The following PACSIN3 variants were observed in gnomAD, a reference collection of about 807,000 sequenced individuals.
PACSIN3 encodes protein kinase C and casein kinase substrate in neurons 3.
A neutral mutation model predicts 56.1 loss-of-function variants in PACSIN3; 34 were observed. The observed-to-expected ratio is 0.61, with a 90% confidence interval of 0.46 to 0.81. The LOEUF (loss-of-function observed/expected upper bound fraction) is 0.81. Among genes scored for constraint, PACSIN3 ranks in the 30% least tolerant of loss-of-function variants. The pLI is 0.00. For synonymous variants in PACSIN3, 218 were observed against 229.8 expected (o/e 0.95, Z 0.46); for missense variants, 535 against 592.4 (o/e 0.90, Z 1.01).
intron 2 of PACSIN3, 47 bp downstream of exon 2, chr11:47,182,957 C>G: frequency 2.1e-6 from 1 of 484,196 alleles, no homozygotes; most frequent in Non-Finnish European, 3.6e-6. Context: ...AGTCTCAAAG[C>G]TCTTCCTCTC....
chr11:47,178,035 G>C lies in PACSIN3; in HGVS notation c.1171C>G (p.Leu391Val), dbSNP rs1403115142. ...ELSFRAGEEL[L>V]KMSEEDEQGW... ...TGCTCGTCCTCCTCACTCATCTTCA[G>C]CAGCTCCTCCCCTGGGGGAAAGGGG... The change falls in exon 11 of 11, where the codon CTG becomes GTG. Residue 391 changes from leucine to valine, a missense_variant. By Grantham distance (32) the Leu-to-Val change is conservative. Transcript: ENST00000298838. This position sits in a 1 kb window ranked among gnomAD's most constrained non-coding sequence, Gnocchi z 4.2. 1 of 1,613,678 alleles carries C rather than the reference G, an allele frequency of 6.2e-7. No homozygotes were observed. Among genetic ancestry groups the C allele is most frequent in the Admixed American group, 1.7e-5 (1 of 60,002 alleles).
rs1389307452 is a variant in PACSIN3 at position 47,178,481 on chromosome 11, C to T, written c.1044G>A (p.Gly348=). 1.9e-6 allele frequency: 3 copies of T among 1,613,588 alleles called. No homozygotes were observed. In the African/African-American group the frequency reaches 4.0e-5, roughly 22 times the overall value. The change falls in exon 10 of 11, where the codon GGG becomes GGA. Residue 348 remains glycine, a synonymous_variant. Coordinates refer to ENST00000298838, the MANE Select transcript of PACSIN3 (RefSeq NM_016223.5). This position sits in a 1 kb window ranked among gnomAD's most constrained non-coding sequence, Gnocchi z 4.2. The part of the protein sequence containing the change: ...PPQSPGSPGT[G]QDEEWSDEES... ...CTTCATCTGACCACTCCTCATCCTG[C>T]CCCGTGCTGGAGAGGGGAGGCAAAG...
chr11:47,179,426 A>G lies in PACSIN3; in HGVS notation c.764T>C (p.Leu255Pro), dbSNP rs761275779. Reference sequence around the variant, plus strand: ...CAGTTCATACTTCTCACTGCTGGAAAGGTCCAGGTGCTGGTGTAAGGTGAG... The same window carrying G: ...CAGTTCATACTTCTCACTGCTGGAAGGGTCCAGGTGCTGGTGTAAGGTGAG... ...MLLTLHQHLD[L>P]SSSEKFHELH... Residue 255 changes from leucine (L) to proline (P), a missense_variant, in exon 7 of 11, where the codon CTT (leucine) becomes CCT (proline). Transcript: ENST00000298838. The surrounding 1 kb of genome is among the most constrained non-coding windows in gnomAD (Gnocchi z 4.4). 2 of 1,614,056 alleles carry G rather than the reference A, an allele frequency of 1.2e-6. No homozygotes were observed. The highest frequency in any genetic ancestry group is 1.7e-6 in the Non-Finnish European group (2 of 1,180,006).
In PACSIN3 at chr11:47,178,940, T is replaced by A; in HGVS notation, c.991A>T (p.Thr331Ser). The stretch of plus-strand genomic sequence containing the variant: ...GGTGGGGGTGCGGTGCCATCTCTTG[T>A]AGGCACAATGCTGGTCAGGGTAACC... ...DEVTLTSIVP[T>S]RDGTAPPPQS... Residue 331 changes from threonine (T) to serine (S), a missense_variant, in exon 9 of 11, where the codon ACA becomes TCA. Transcript: ENST00000298838. This position sits in a 1 kb window ranked among gnomAD's most constrained non-coding sequence, Gnocchi z 4.2. 1 of 1,614,018 alleles carries A rather than the reference T, an allele frequency of 6.2e-7. No individual in the cohort carries two copies. The highest frequency in any genetic ancestry group is 8.5e-7 in the Non-Finnish European group (1 of 1,179,976).
In PACSIN3 at chr11:47,178,883, C is replaced by T. The variant is rs1413462304; in HGVS notation, c.1037+11G>A. 1 of 1,613,676 alleles carries T rather than the reference C, an allele frequency of 6.2e-7. No individual in the cohort carries two copies. The highest frequency in any genetic ancestry group is 1.7e-5 in the Admixed American group (1 of 60,010). On this transcript the variant is annotated intron_variant, in intron 9 of 10. Coordinates refer to ENST00000298838, the MANE Select transcript of PACSIN3 (RefSeq NM_016223.5). This position sits in a 1 kb window ranked among gnomAD's most constrained non-coding sequence, Gnocchi z 4.2. ...CTGTTTCTTTGCCACAGCCGCGCTC[C>T]TGGCTCTCACCCTGGGGACCCCGGG...
Position 47,179,098 on chromosome 11 carries a change from C to T in PACSIN3, c.900+61G>A. 1.9e-6 allele frequency: 3 copies of T among 1,613,738 alleles called. No homozygotes were observed. Among genetic ancestry groups the T allele is most frequent in the Admixed American group, 3.3e-5 (2 of 60,032 alleles). ...ACCTTCACTTACTTCATCCCTAGCC[C>T]TGGCCGAGCTGAGTGGGAGCCCATC... On this transcript the variant is annotated intron_variant, in intron 8 of 10. Coordinates refer to ENST00000298838, the MANE Select transcript of PACSIN3 (RefSeq NM_016223.5). The surrounding 1 kb of genome is among the most constrained non-coding windows in gnomAD (Gnocchi z 4.4).
At position 47,179,088 on chromosome 11, in the gene PACSIN3, A is replaced by G. The variant is rs1169431659; in HGVS notation, c.901-58T>C. On this transcript the variant is annotated intron_variant, in intron 8 of 10. Coordinates refer to ENST00000298838, the MANE Select transcript of PACSIN3 (RefSeq NM_016223.5). This position sits in a 1 kb window ranked among gnomAD's most constrained non-coding sequence, Gnocchi z 4.4. ...CATCTGAACCACCTTCACTTACTTC[A>G]TCCCTAGCCCTGGCCGAGCTGAGTG... 5 of 1,613,548 alleles carry G rather than the reference A, an allele frequency of 3.1e-6. No individual in the cohort carries two copies. Among genetic ancestry groups the G allele is most frequent in the Non-Finnish European group, 4.2e-6 (5 of 1,179,902 alleles).
At position 47,182,779 on chromosome 11, in the gene PACSIN3, G is replaced by A. The variant is rs1425925546; in HGVS notation, c.-37-15C>T. 4 of 1,555,594 alleles carry A rather than the reference G, an allele frequency of 2.6e-6. No individual in the cohort carries two copies. The highest frequency in any genetic ancestry group is 3.5e-6 in the Non-Finnish European group (4 of 1,146,736). ...CGGATTTGGGGCTGTGGAGGGCAGA[G>A]GGGTAAGCAGGAAAGCTGGACATTA... On this transcript the variant is annotated splice_polypyrimidine_tract_variant and intron_variant, in intron 2 of 10. Transcript: ENST00000298838.
In PACSIN3 at chr11:47,182,545, C is replaced by G. The variant is rs926397286; in HGVS notation, c.69G>C (p.Arg23Ser). The G allele has an allele frequency of 1.2e-6, 2 of 1,610,946 alleles. No homozygotes were observed. The highest frequency in any genetic ancestry group is 3.3e-5 in the Admixed American group (2 of 59,920). Residue 23 changes from arginine (R) to serine (S), a missense_variant, in exon 4 of 11, where the codon AGG becomes AGC. Transcript: ENST00000298838. ...GGSFWEAGNY[R>S]RTVQRVEDGH... ...CGTCCTCCACCCGCTGTACCGTGCG[C>G]CTGTAGTTGCCAGCCTGGGCATACA...
chr11:47,185,429 C>A (rs938538301), intron 1 of PACSIN3: 2 of 152,190 alleles, frequency 1.3e-5, no homozygotes, highest in African/African-American at 4.8e-5. Flanking sequence ...TCCCGGTGCG[C>A]CCGCAGCTCT....
At chr11:47,184,870 C>G (rs898317901) in intron 1 of PACSIN3, among the ~76,000 whole-genome samples, 14 of 152,326 alleles carry the variant, frequency 9.2e-5, no homozygotes, top group Non-Finnish European at 1.5e-4. Flanking sequence ...GAGAGCTGCC[C>G]CCCACCCCTT....
chr11:47,180,709 C>T lies in PACSIN3; in HGVS notation c.212-19G>A. On this transcript the variant is annotated intron_variant, in intron 4 of 10. Transcript: ENST00000298838. ...TGGGGGCCTGCAGGGAGGGACAGGG[C>T]TTAGGCCAGGCCTGGGTACCACCCA... 6.3e-7 allele frequency: 1 copy of T among 1,576,408 alleles called. No individual in the cohort carries two copies. The highest frequency in any genetic ancestry group is 8.6e-7 in the Non-Finnish European group (1 of 1,165,624).
Position 47,178,274 on chromosome 11 carries a change from C to T in PACSIN3, c.1159+92G>A, listed in dbSNP as rs1378490144. ...ACAGCTGAAGGGACAGAGGACTGGC[C>T]CTTAAGAAGTGGGTATTTGGCTTCC... On this transcript the variant is annotated intron_variant, in intron 10 of 10. Transcript: ENST00000298838. The surrounding 1 kb of genome is among the most constrained non-coding windows in gnomAD (Gnocchi z 4.2). The T allele has an allele frequency of 6.6e-7, 1 of 1,509,552 alleles. No homozygotes were observed. The highest frequency in any genetic ancestry group is 1.4e-5 in the African/African-American group (1 of 72,658). 93.5% of individuals were successfully genotyped at this position (1,509,552 alleles called of 1,614,324 possible). A position where few individuals can be genotyped will look rare whatever the true frequency, so the allele number is the denominator to read the frequency against.
At position 47,177,850 on chromosome 11, in the gene PACSIN3, G is replaced by A. The variant is rs1370086782; in HGVS notation, c.*81C>T. Reference sequence around the variant, plus strand: ...GAGCAGCCAGAGAGCGACGGTTCAGGGCCCTGAGGGTCCGGCTCTCCAGGA... The same window carrying A: ...GAGCAGCCAGAGAGCGACGGTTCAGAGCCCTGAGGGTCCGGCTCTCCAGGA... On this transcript the variant is annotated 3_prime_UTR_variant, in exon 11 of 11. Coordinates refer to ENST00000298838, the MANE Select transcript of PACSIN3 (RefSeq NM_016223.5). The A allele has an allele frequency of 3.7e-6, 4 of 1,083,976 alleles. No homozygotes were observed. Among genetic ancestry groups the A allele is most frequent in the African/African-American group, 1.5e-5 (1 of 64,702 alleles). 67.1% of individuals were successfully genotyped at this position (1,083,976 alleles called of 1,614,324 possible).
Position 47,178,562 on chromosome 11 carries a change from C to A in PACSIN3, c.1038-75G>T. 1.3e-6 allele frequency: 2 copies of A among 1,551,406 alleles called. No homozygotes were observed. Among genetic ancestry groups the A allele is most frequent in the Admixed American group, 1.9e-5 (1 of 52,898 alleles). ...CTGGAGATCTCACCCAGGATCAGGG[C>A]AAAGGCCTCCCTACCCCCAGAGGCA... On this transcript the variant is annotated intron_variant, in intron 9 of 10. Coordinates refer to ENST00000298838, the MANE Select transcript of PACSIN3 (RefSeq NM_016223.5). The surrounding 1 kb of genome is among the most constrained non-coding windows in gnomAD (Gnocchi z 4.2).
In PACSIN3 at chr11:47,178,107, G is replaced by T; in HGVS notation, c.1160-61C>A. 1 of 1,447,338 alleles carries T rather than the reference G, an allele frequency of 6.9e-7. No individual in the cohort carries two copies. The highest frequency in any genetic ancestry group is 9.6e-7 in the Non-Finnish European group (1 of 1,040,610). The allele number at this position is 1,447,338 out of a possible 1,614,324, so 89.7% of individuals were successfully genotyped here. A position where few individuals can be genotyped will look rare whatever the true frequency, so the allele number is the denominator to read the frequency against. On this transcript the variant is annotated intron_variant, in intron 10 of 10. Transcript: ENST00000298838. This position sits in a 1 kb window ranked among gnomAD's most constrained non-coding sequence, Gnocchi z 4.2. ...TGGCCCAGGCCCTGTTCCTGCAACT[G>T]GGTCAAGGACTGAGGGGGATGGTGT...
At position 47,179,311 on chromosome 11, in the gene PACSIN3, A is replaced by T; in HGVS notation, c.780-32T>A. On this transcript the variant is annotated intron_variant, in intron 7 of 10. Transcript: ENST00000298838. This position sits in a 1 kb window ranked among gnomAD's most constrained non-coding sequence, Gnocchi z 4.4. ...CCCAAGGCACACCCCTCAGTCTAGG[A>T]AGTCTAGACCCTGCATCCCTCAGTC... 2 of 1,613,972 alleles carry T rather than the reference A, an allele frequency of 1.2e-6. No individual in the cohort carries two copies. Among genetic ancestry groups the T allele is most frequent in the Non-Finnish European group, 1.7e-6 (2 of 1,180,000 alleles).
At chr11:47,181,030 A>G (rs1213191415) in intron 4 of PACSIN3, among the ~76,000 whole-genome samples, 1 of 152,216 alleles carries the variant, frequency 6.6e-6, no homozygotes. Context: ...TGGGAGGCCA[A>G]GGCGGGTGGA....
In PACSIN3 at chr11:47,180,521, G is replaced by A. The variant is rs145177921; in HGVS notation, c.381C>T (p.Arg127=). The A allele has an allele frequency of 7.7e-5, 123 of 1,603,648 alleles. No homozygotes were observed. The Admixed American group carries it at 1.2e-3, about 16-fold the overall frequency. The part of the protein sequence containing the change: ...AFHRPVLGGF[R]ESRAAEDGFR... ...AGCCGTCCTCGGCCGCCCGGCTCTC[G>A]CGGAAGCCGCCCAGCACAGGCCGGT... The change falls in exon 5 of 11, where the codon CGC becomes CGT. Residue 127 remains arginine, a synonymous_variant. Coordinates refer to ENST00000298838, the MANE Select transcript of PACSIN3 (RefSeq NM_016223.5).
Sources: allele counts gnomAD v4.1 joint callset (sites outside exome capture counted in the v4.1 genomes callset), GRCh38; gene constraint gnomAD v4.1.1; non-coding constraint Gnocchi (gnomAD v3.1); transcripts MANE v1.5; gene names NCBI Gene and HGNC (gene_info 2026-07-23, HGNC 2026-07-21).